Variants in RFX3 observed in about 807,000 individuals in gnomAD.
The protein encoded by RFX3 is regulatory factor X3, also known as transcription factor RFX3.
RFX3 carries 14 observed loss-of-function variants against 98.6 expected under a neutral mutation model. The observed-to-expected ratio is 0.14, with a 90% CI of 0.09 to 0.22. RFX3 has a LOEUF of 0.22. Ranked by LOEUF, RFX3 falls within the 10% of genes least tolerant of loss-of-function variation. The pLI, the probability that RFX3 is intolerant of heterozygous loss-of-function variation, is 1.00. For missense variants in RFX3, 639 were observed against 926.9 expected (o/e 0.69, Z 4.03); for synonymous variants, 383 against 328.4 (o/e 1.17, Z -1.80).
Position 3,394,617 on chromosome 9 carries a change from G to A in RFX3, c.117+855C>T, listed in dbSNP as rs564825280. On this transcript the variant is annotated intron_variant, in intron 2 of 16. Coordinates refer to ENST00000617270, the MANE Select transcript of RFX3 (RefSeq NM_001282116.2). ...CCTTGCATCTATCAATTATAAAAAT[G>A]TCCTTCATCATCTATAACCCATCTA... 5.9e-5 allele frequency among the ~76,000 whole-genome samples: 9 copies of A among 152,250 alleles called. No homozygotes were observed. The South Asian group carries it at 1.9e-3, about 32-fold the overall frequency.
chr9:3,399,653 A>C (rs1192513559), intron 1 of RFX3, among the ~76,000 whole-genome samples: 3 of 152,062 alleles, frequency 2.0e-5, no homozygotes, highest in Non-Finnish European at 4.4e-5. Flanking sequence ...TTGAAGTAGA[A>C]AATTGCTTTT....
At chr9:3,316,311 G>C (rs548339338) in intron 4 of RFX3, among the ~76,000 whole-genome samples, 1 of 152,100 alleles carries the variant, frequency 6.6e-6, no homozygotes, top group Non-Finnish European at 1.5e-5. Context: ...AAACGCCTTT[G>C]ACAAAATTCA....
rs17658525 is a variant in RFX3, at chr9:3,224,828, A to C, written c.*214T>G. ...CCTTCTTGACACCTGAAACTAAGGG[A>C]AAAAATTCATTATTAAGAAGCAAAT... On this transcript the variant is annotated 3_prime_UTR_variant, in exon 17 of 17. Transcript: ENST00000617270. 0.015 allele frequency: 6,768 copies of C among 450,678 alleles called. 74 individuals are homozygous for C. Among genetic ancestry groups the C allele is most frequent in the Non-Finnish European group, 0.021 (5,400 of 257,664 alleles). The allele number at this position is 450,678 out of a possible 1,614,324, so 27.9% of individuals were successfully genotyped here. A position where few individuals can be genotyped will look rare whatever the true frequency, so the allele number is the denominator to read the frequency against.
chr9:3,520,777 AAATTCTCTCACCTC>A (rs1818631981), intron 1 of RFX3, among the ~76,000 whole-genome samples: 1 of 152,136 alleles, frequency 6.6e-6, no homozygotes, highest in Non-Finnish European at 1.5e-5. Flanking sequence ...CTGGGCTAAA[AAATTCTCTCACCTC>A]AGTCTCCTGA....
chr9:3,254,220 T>C (rs1821801548), intron 14 of RFX3, among the ~76,000 whole-genome samples: 1 of 151,094 alleles, frequency 6.6e-6, no homozygotes, highest in Non-Finnish European at 1.5e-5. Context: ...CAGATCTCTG[T>C]GGAGATGAAG....
intron 1 of RFX3, among the ~76,000 whole-genome samples, chr9:3,459,976 G>A (rs1209504722): frequency 1.3e-5 from 2 of 151,910 alleles, no homozygotes; most frequent in Non-Finnish European, 2.9e-5. Flanking sequence ...TTTTGTAATC[G>A]AGGAAAGGGG....
At chr9:3,352,132 A>G (rs72699073) in intron 2 of RFX3, among the ~76,000 whole-genome samples, 3 of 152,062 alleles carry the variant, frequency 2.0e-5, no homozygotes, top group Admixed American at 6.6e-5. Flanking sequence ...TTGCCAATAC[A>G]TATTACTAAG....
intron 7 of RFX3, among the ~76,000 whole-genome samples, chr9:3,278,824 T>C (rs967702285): frequency 2.6e-5 from 4 of 151,766 alleles, no homozygotes; most frequent in African/African-American, 9.7e-5. Context: ...AAAAATAAAG[T>C]CAGAGGGGGA....
Position 3,380,046 on chromosome 9 carries a change from C to T in RFX3, c.117+15426G>A, listed in dbSNP as rs1464826263. On this transcript the variant is annotated intron_variant, in intron 2 of 16. Transcript: ENST00000617270. Reference sequence around the variant, plus strand: ...GGTTCAAGCGATTCTCCTGCCTCCGCGTCCCAAGTAGCTGGGATTACAGGC... The same window carrying T: ...GGTTCAAGCGATTCTCCTGCCTCCGTGTCCCAAGTAGCTGGGATTACAGGC... Among the ~76,000 whole-genome samples, 6 of 152,150 alleles carry T rather than the reference C, an allele frequency of 3.9e-5. 1 individual carries two copies. Among genetic ancestry groups the T allele is most frequent in the African/African-American group, 1.4e-4 (6 of 41,494 alleles).
At chr9:3,395,647 C>G in intron 1 of RFX3, 51 bp from the exon 2 acceptor site, 1 of 1,590,152 alleles carries the variant, frequency 6.3e-7, no homozygotes, top group South Asian at 1.1e-5. Flanking sequence ...TCCTGCATGA[C>G]TAGCTTCCTT....
intron 3 of RFX3, chr9:3,344,625 T>G: frequency 1.8e-6 from 1 of 550,640 alleles, no homozygotes; most frequent in Non-Finnish European, 3.2e-6. Flanking sequence ...CTTGTCACAT[T>G]CTACCACAAC....
At chr9:3,317,314 A>T (rs1369352397) in intron 4 of RFX3, among the ~76,000 whole-genome samples, 1 of 152,250 alleles carries the variant, frequency 6.6e-6, no homozygotes. Context: ...CTGGCTAGCC[A>T]CATGTAGAAA....
In RFX3 at chr9:3,412,611, T is replaced by G. The variant is rs529909200; in HGVS notation, c.-8-17015A>C. 4.1e-4 allele frequency among the ~76,000 whole-genome samples: 62 copies of G among 152,248 alleles called. 1 individual carries two copies. The highest frequency in any genetic ancestry group is 3.4e-3 in the Middle Eastern group (1 of 294). On this transcript the variant is annotated intron_variant, in intron 1 of 16. Coordinates refer to ENST00000617270, the MANE Select transcript of RFX3 (RefSeq NM_001282116.2). ...AAAGGTGCAAAGGGTGAAGCTGGCATTTCCTGAAGCTTAGGGTAGTTTCAG... is the reference window on the plus strand; with the variant it reads ...AAAGGTGCAAAGGGTGAAGCTGGCAGTTCCTGAAGCTTAGGGTAGTTTCAG...
At chr9:3,295,435 C>T (rs1220118176) in intron 5 of RFX3, among the ~76,000 whole-genome samples, 1 of 151,896 alleles carries the variant, frequency 6.6e-6, no homozygotes, top group Admixed American at 6.6e-5. Context: ...AAGGGTTGAC[C>T]ACCTTCTAGT....
At chr9:3,311,476 A>T (rs1323621838) in intron 4 of RFX3, among the ~76,000 whole-genome samples, 1 of 152,234 alleles carries the variant, frequency 6.6e-6, no homozygotes. Context: ...AACCAGGAAC[A>T]ACAAAAGAAA....
chr9:3,467,129 A>ATACATATATATTAT lies in RFX3; in HGVS notation c.-9+58617_-9+58618insATAATATATATGTA, dbSNP rs1587769911. On this transcript the variant is annotated intron_variant, in intron 1 of 16. Transcript: ENST00000617270. ...ATATGTATATACATACATATATGTA[A>ATACATATATATTAT]GTATATATGTATATACATAATATAT... 7.4e-4 allele frequency among the ~76,000 whole-genome samples: 98 copies of ATACATATATATTAT among 131,618 alleles called. 1 individual carries two copies. Among genetic ancestry groups the ATACATATATATTAT allele is most frequent in the African/African-American group, 2.6e-3 (80 of 30,268 alleles). The allele number at this position is 131,618 out of a possible 152,430, so 86.3% of individuals were successfully genotyped here.
At chr9:3,357,592 G>T (rs1835924946) in intron 2 of RFX3, among the ~76,000 whole-genome samples, 1 of 151,872 alleles carries the variant, frequency 6.6e-6, no homozygotes, top group Admixed American at 6.6e-5. Flanking sequence ...GGCTGGGAAG[G>T]GAAATGAGGA....
intron 7 of RFX3, 55 bp from the exon 8 acceptor site, chr9:3,277,516 G>C: frequency 4.0e-6 from 6 of 1,495,722 alleles, no homozygotes; most frequent in Non-Finnish European, 5.6e-6. Flanking sequence ...TTGCTTTTTT[G>C]TACTACCCGA....
intron 15 of RFX3, among the ~76,000 whole-genome samples, chr9:3,238,699 G>A (rs1819508154): frequency 1.3e-5 from 2 of 152,092 alleles, no homozygotes; most frequent in South Asian, 2.1e-4. Context: ...ATATAGCTCT[G>A]CAATTTCCTG....
Sources: gnomAD v4.1 joint callset for allele counts (sites outside exome capture counted in the v4.1 genomes callset) on GRCh38, gnomAD v4.1.1 for gene constraint, MANE v1.5 for transcripts, NCBI Gene and HGNC (gene_info 2026-07-23, HGNC 2026-07-21) for gene names.